Variants in ASAH2 observed in about 807,000 individuals in gnomAD.
ASAH2 encodes the protein N-acylsphingosine amidohydrolase 2.
A neutral mutation model predicts 82.9 loss-of-function variants in ASAH2; 58 were observed. That is an observed-to-expected ratio of 0.70 (90% CI 0.57 to 0.87). The LOEUF (loss-of-function observed/expected upper bound fraction) is 0.87. ASAH2 is among the 40% of genes least tolerant of loss of function. The pLI is 0.00. For synonymous variants in ASAH2, 276 were observed against 289.7 expected, an observed-to-expected ratio of 0.95 and a Z score of 0.48; for missense variants, 779 against 834.0, an observed-to-expected ratio of 0.93 and a Z score of 0.81.
intron 7 of ASAH2, among the ~76,000 whole-genome samples, chr10:50,229,179 A>G (rs1189635236): frequency 6.6e-6 from 1 of 152,144 alleles, no homozygotes; most frequent in Admixed American, 6.6e-5. Flanking sequence ...GAGACTCTCA[A>G]GGTTCTGTTT....
intron 16 of ASAH2, 60 bp from the exon 17 acceptor site, chr10:50,199,206 G>T (rs1318795210): frequency 1.9e-6 from 3 of 1,582,036 alleles, no homozygotes; most frequent in Admixed American, 1.7e-5. Context: ...ATTTACAGAG[G>T]TGTAGCATTT....
rs866758197 is a variant in ASAH2, at chr10:50,243,276, C to T, written c.436G>A (p.Glu146Lys). 1 of 1,614,142 alleles carries T rather than the reference C, an allele frequency of 6.2e-7. No homozygotes were observed. Among genetic ancestry groups the T allele is most frequent in the Middle Eastern group, 1.7e-4 (1 of 6,058 alleles). ...RLYSRAFIMA[E>K]PDGSNRTVFV... The stretch of plus-strand genomic sequence containing the variant: ...ACTGTTCGATTGGACCCATCAGGTT[C>T]TGCCATGATGAAGGCACGACTGTAT... The change falls in exon 4 of 21, where the codon GAA becomes AAA. Residue 146 changes from glutamate (E) to lysine (K), a missense_variant. Transcript: ENST00000682911.
chr10:50,223,294 G>T (rs1463951646), intron 7 of ASAH2, among the ~76,000 whole-genome samples: 1 of 152,102 alleles, frequency 6.6e-6, no homozygotes, highest in African/African-American at 2.4e-5. Context: ...CTGAAACAAA[G>T]GTAAAAGCAG....
chr10:50,228,019 A>C (rs1050523614), intron 7 of ASAH2, among the ~76,000 whole-genome samples: 12 of 152,300 alleles, frequency 7.9e-5, no homozygotes, highest in African/African-American at 2.9e-4. Flanking sequence ...GGTTCAGTGA[A>C]AGATATAGAA....
Position 50,245,241 on chromosome 10 carries a change from T to C in ASAH2, c.341A>G (p.Gln114Arg). The C allele has an allele frequency of 6.2e-7, 1 of 1,613,980 alleles. No homozygotes were observed. Among genetic ancestry groups the C allele is most frequent in the Non-Finnish European group, 8.5e-7 (1 of 1,179,838 alleles). ...ACTTGCCAAATTGATATCTGCTACT[T>C]GTCCTGTGCAGTCAGCTCGTCCAAC... ...IGVGRADCTG[Q>R]VADINLMGYG... The change falls in exon 3 of 21, where the codon CAA becomes CGA. Residue 114 changes from glutamine (Q) to arginine (R), a missense_variant. By Grantham distance (43) the Gln-to-Arg change is conservative. Around this residue, in one of 3 missense-constraint regions of ASAH2, gnomAD observed 759 missense variants for 755.2 expected, o/e 1.00. Transcript: ENST00000682911.
chr10:50,205,812 C>T (rs1486362461), intron 13 of ASAH2, among the ~76,000 whole-genome samples, 170 bp downstream of exon 13: 1 of 151,850 alleles, frequency 6.6e-6, no homozygotes, highest in Non-Finnish European at 1.5e-5. Flanking sequence ...ATTGCCATAA[C>T]CTTCATTCCT....
chr10:50,194,943 G>T (rs1589318618), intron 18 of ASAH2, among the ~76,000 whole-genome samples: 1 of 147,070 alleles, frequency 6.8e-6, no homozygotes, highest in African/African-American at 2.5e-5. Flanking sequence ...ACAACTGAAA[G>T]AAAACCTAGA....
chr10:50,210,713 C>T, intron 12 of ASAH2, 110 bp downstream of exon 12: 2 of 1,040,400 alleles, frequency 1.9e-6, no homozygotes, highest in Non-Finnish European at 1.5e-6. Context: ...ACCAGCAGAC[C>T]CTGAGTTTAA....
rs1330474852 is a variant in ASAH2, at chr10:50,185,836, T to C, written c.*1479A>G. On this transcript the variant is annotated 3_prime_UTR_variant, in exon 21 of 21. Coordinates refer to ENST00000682911, the MANE Select transcript of ASAH2 (RefSeq NM_019893.4). ...ATACTACCATTATGAATATTGTTAT[T>C]ATTTTCAAACCTCAAAGTTTATTTT... 5 of 144,538 alleles carry C rather than the reference T, an allele frequency of 3.5e-5. No homozygotes were observed. The highest frequency in any genetic ancestry group is 8.0e-5 in the African/African-American group (3 of 37,538). The allele number at this position is 144,538 out of a possible 1,614,324, so 9.0% of individuals were successfully genotyped here.
In ASAH2 at chr10:50,185,081, C is replaced by T. The variant is rs1260920156; in HGVS notation, c.*2234G>A. 2.0e-5 allele frequency: 3 copies of T among 151,138 alleles called. No individual in the cohort carries two copies. The highest frequency in any genetic ancestry group is 3.0e-5 in the Non-Finnish European group (2 of 67,696). The allele number at this position is 151,138 out of a possible 1,614,324, so 9.4% of individuals were successfully genotyped here. A position where few individuals can be genotyped will look rare whatever the true frequency, so the allele number is the denominator to read the frequency against. ...CTCCAAAATTGTTCTCCTACCTACC[C>T]AATCTGCCATATTCCACTTTTTCCA... On this transcript the variant is annotated 3_prime_UTR_variant, in exon 21 of 21. Transcript: ENST00000682911.
rs373189454 is a variant in ASAH2, at chr10:50,245,173, T to C, written c.360+49A>G. On this transcript the variant is annotated intron_variant, in intron 3 of 20. Transcript: ENST00000682911. ...GAAATGAATGCAGGTTGTAAAATAA[T>C]AAAATTACTTGTTTCACAGTCTCCT... 64 of 1,430,920 alleles carry C rather than the reference T, an allele frequency of 4.5e-5. No homozygotes were observed. The African/African-American group carries it at 8.9e-4, about 20-fold the overall frequency. 88.6% of individuals were successfully genotyped at this position (1,430,920 alleles called of 1,614,324 possible). A position where few individuals can be genotyped will look rare whatever the true frequency, so the allele number is the denominator to read the frequency against.
chr10:50,187,062 G>A lies in ASAH2; in HGVS notation c.*253C>T. 2.0e-6 allele frequency: 1 copy of A among 493,798 alleles called. No individual in the cohort carries two copies. Among genetic ancestry groups the A allele is most frequent in the Non-Finnish European group, 3.6e-6 (1 of 280,608 alleles). The allele number at this position is 493,798 out of a possible 1,614,324, so 30.6% of individuals were successfully genotyped here. A position where few individuals can be genotyped will look rare whatever the true frequency, so the allele number is the denominator to read the frequency against. On this transcript the variant is annotated 3_prime_UTR_variant, in exon 21 of 21. Transcript: ENST00000682911. ...GTAGACCACAAGATATATGGCTGCTGGAGCAAGATATATGGGACAAACCTC... is the reference window on the plus strand; with the variant it reads ...GTAGACCACAAGATATATGGCTGCTAGAGCAAGATATATGGGACAAACCTC...
chr10:50,224,551 T>C (rs1274446582), intron 7 of ASAH2, among the ~76,000 whole-genome samples: 1 of 152,104 alleles, frequency 6.6e-6, no homozygotes, highest in African/African-American at 2.4e-5. Flanking sequence ...GCTCACAAAA[T>C]GCCCATGTGC....
chr10:50,199,019 C>G, intron 17 of ASAH2, 32 bp downstream of exon 17: 1 of 1,602,738 alleles, frequency 6.2e-7, no homozygotes, highest in Non-Finnish European at 8.5e-7. Context: ...CACACGCACG[C>G]GCGCATGCAC....
chr10:50,248,646 A>G lies in ASAH2; in HGVS notation c.-36T>C. ...GTACAGCAGAGATGGAAGAAGAAAT[A>G]CTGAAGAGGAAGAAATCACAAATTA... On this transcript the variant is annotated splice_region_variant and 5_prime_UTR_variant, in exon 2 of 21. Coordinates refer to ENST00000682911, the MANE Select transcript of ASAH2 (RefSeq NM_019893.4). 1.3e-6 allele frequency: 2 copies of G among 1,596,086 alleles called. No homozygotes were observed. The highest frequency in any genetic ancestry group is 1.7e-6 in the Non-Finnish European group (2 of 1,170,486).
At chr10:50,219,442 G>A (rs1486769847) in intron 7 of ASAH2, among the ~76,000 whole-genome samples, 2 of 152,308 alleles carry the variant, frequency 1.3e-5, no homozygotes, top group East Asian at 1.9e-4. Flanking sequence ...TTGTGACACC[G>A]TGTCCAGTGG....
intron 15 of ASAH2, among the ~76,000 whole-genome samples, chr10:50,203,187 A>G (rs1845201801): frequency 6.6e-6 from 1 of 152,042 alleles, no homozygotes; most frequent in Non-Finnish European, 1.5e-5. Flanking sequence ...ATGGGTGGCT[A>G]TTAGCTAACC....
chr10:50,203,803 A>G (rs955452506), intron 14 of ASAH2, 124 bp from the exon 15 acceptor site: 10 of 793,176 alleles, frequency 1.3e-5, no homozygotes, highest in Non-Finnish European at 2.2e-5. Flanking sequence ...ATATGTAGGA[A>G]CCCAATGACT....
intron 4 of ASAH2, among the ~76,000 whole-genome samples, chr10:50,242,356 C>T (rs944459957): frequency 1.3e-5 from 2 of 152,144 alleles, no homozygotes; most frequent in Non-Finnish European, 2.9e-5. Flanking sequence ...CTCACTGGCC[C>T]CTTCACACAG....
Sources: gnomAD v4.1 joint callset for allele counts (sites outside exome capture counted in the v4.1 genomes callset) on GRCh38, gnomAD v4.1.1 for gene constraint, gnomAD v4.1.1 regional missense constraint, MANE v1.5 for transcripts, NCBI Gene and HGNC (gene_info 2026-07-23, HGNC 2026-07-21) for gene names.